The following ZPBP variants were observed in gnomAD, a reference collection of about 807,000 sequenced individuals.
The protein encoded by ZPBP is zona pellucida binding protein, also known as zona pellucida-binding protein 1.
In ZPBP, 26 loss-of-function variants were observed where a neutral mutation model predicts 44.8. That is an observed-to-expected ratio of 0.58 (90% CI 0.43 to 0.81). ZPBP has a LOEUF of 0.81. ZPBP is among the 30% of genes least tolerant of loss of function. ZPBP has a pLI of 0.00. For missense variants in ZPBP, 409 were observed against 434.0 expected (o/e 0.94, Z 0.51); for synonymous variants, 174 against 153.2 (o/e 1.14, Z -1.00).
At chr7:49,979,292 T>C (rs1796671192) in intron 7 of ZPBP, among the ~76,000 whole-genome samples, 1 of 151,984 alleles carries the variant, frequency 6.6e-6, no homozygotes, top group Non-Finnish European at 1.5e-5. Context: ...CTTCTTGTAT[T>C]TTTCCCTTAA....
chr7:49,903,380 A>G (rs931602176), intron 1 of ZPBP, among the ~76,000 whole-genome samples: 1 of 152,240 alleles, frequency 6.6e-6, no homozygotes, highest in South Asian at 2.1e-4. Flanking sequence ...TGGTACAGCC[A>G]TACCATGGAA....
chr7:50,016,535 C>A (rs1049101959), intron 6 of ZPBP, among the ~76,000 whole-genome samples: 2 of 151,788 alleles, frequency 1.3e-5, no homozygotes, highest in Admixed American at 1.3e-4. Flanking sequence ...TGCACATGTA[C>A]CCCCTGAATG....
At chr7:49,983,860 T>C (rs925978910) in intron 6 of ZPBP, among the ~76,000 whole-genome samples, 2 of 152,044 alleles carry the variant, frequency 1.3e-5, no homozygotes, top group African/African-American at 2.4e-5. Flanking sequence ...TAAAATAATA[T>C]ATTATAAGCA....
intron 4 of ZPBP, among the ~76,000 whole-genome samples, chr7:50,041,344 C>A (rs1800085597): frequency 6.6e-6 from 1 of 152,178 alleles, no homozygotes; most frequent in Non-Finnish European, 1.5e-5. Context: ...GGGTCCCTGA[C>A]CCCCATGCCT....
intron 5 of ZPBP, among the ~76,000 whole-genome samples, chr7:50,030,831 C>A (rs1363203863): frequency 6.6e-6 from 1 of 152,140 alleles, no homozygotes; most frequent in East Asian, 1.9e-4. Context: ...AATATCATGA[C>A]ATTCCTTATA....
Position 50,093,202 on chromosome 7 carries a change from C to G in ZPBP, c.-8G>C. On this transcript the variant is annotated 5_prime_UTR_variant, in exon 1 of 8. Coordinates refer to ENST00000046087, the MANE Select transcript of ZPBP (RefSeq NM_007009.3). ...AAGGGCGAAGGCCTCCATCCACACG[C>G]CGCCGTCGCCTGCCCACCGTCCGCG... is the stretch of plus-strand genomic sequence containing the variant. The G allele has an allele frequency of 6.6e-7, 1 of 1,515,648 alleles. No homozygotes were observed. Among genetic ancestry groups the G allele is most frequent in the Non-Finnish European group, 8.8e-7 (1 of 1,134,470 alleles). 93.9% of individuals were successfully genotyped at this position (1,515,648 alleles called of 1,614,324 possible). A position where few individuals can be genotyped will look rare whatever the true frequency, so the allele number is the denominator to read the frequency against.
At chr7:49,897,979 C>A (rs1026025883) in intron 2 of ZPBP, among the ~76,000 whole-genome samples, 1 of 152,138 alleles carries the variant, frequency 6.6e-6, no homozygotes, top group Admixed American at 6.5e-5. Context: ...CTTCTCAGTT[C>A]TCAGGAGAAA....
chr7:49,898,398 A>G (rs1356600701), intron 2 of ZPBP, among the ~76,000 whole-genome samples: 1 of 151,886 alleles, frequency 6.6e-6, no homozygotes, highest in African/African-American at 2.4e-5. Context: ...TACCCATACA[A>G]TTTTCTTTCT....
chr7:50,013,428 TA>T (rs1183792244), intron 6 of ZPBP, among the ~76,000 whole-genome samples: 11 of 152,076 alleles, frequency 7.2e-5, no homozygotes, highest in Admixed American at 3.9e-4. Context: ...TACACAAATA[TA>T]AATATATTGC....
chr7:49,952,342 A>G (rs1795381508), intron 7 of ZPBP, among the ~76,000 whole-genome samples: 1 of 152,002 alleles, frequency 6.6e-6, no homozygotes, highest in Non-Finnish European at 1.5e-5. Context: ...GCATAAAACA[A>G]TAAATGGTTA....
In ZPBP at chr7:49,967,703, C is replaced by T. The variant is rs147204476; in HGVS notation, c.961+15639G>A. Among the ~76,000 whole-genome samples, 1,499 of 152,200 alleles carry T rather than the reference C, an allele frequency of 9.8e-3. 12 individuals carry two copies. The highest frequency in any genetic ancestry group is 0.017 in the Middle Eastern group (5 of 294). On this transcript the variant is annotated intron_variant, in intron 7 of 7. Coordinates refer to ENST00000046087, the MANE Select transcript of ZPBP (RefSeq NM_007009.3). ...CTGGGATTACAGGCATGTGCCACCA[C>T]GCATGGCTAATTTTGTATTTTTAGT...
intron 2 of ZPBP, among the ~76,000 whole-genome samples, chr7:49,900,874 C>G (rs540361561): frequency 1.3e-5 from 2 of 151,942 alleles, no homozygotes; most frequent in South Asian, 4.1e-4. Flanking sequence ...AAACTATTAG[C>G]AAATTGAACC....
chr7:49,915,995 G>A (rs1169239187), intron 1 of ZPBP: 1 of 152,132 alleles, frequency 6.6e-6, no homozygotes, highest in African/African-American at 2.4e-5. Context: ...GATTAAGAGA[G>A]AACAATTTAC....
At position 49,883,684 on chromosome 7, in the gene ZPBP, C is replaced by T. The variant is rs546859999; in HGVS notation, n.509+17434G>A. On this transcript the variant is annotated intron_variant and non_coding_transcript_variant, in intron 2 of 2. Coordinates refer to the ZPBP transcript ENST00000465922. The stretch of plus-strand genomic sequence containing the variant: ...CAGAAAAAGAGGAAATTTCACCTTC[C>T]GATAGCTGCACTTCCTCAAACAGAC... 1.1e-4 allele frequency among the ~76,000 whole-genome samples: 17 copies of T among 152,178 alleles called. No individual in the cohort carries two copies. The South Asian group carries it at 1.2e-3, about 11-fold the overall frequency.
At chr7:50,041,258 G>A (rs559868640) in intron 4 of ZPBP, among the ~76,000 whole-genome samples, 1 of 152,210 alleles carries the variant, frequency 6.6e-6, no homozygotes, top group Non-Finnish European at 1.5e-5. Flanking sequence ...GCTCCTGCCT[G>A]CCAGCTCTAA....
intron 4 of ZPBP, among the ~76,000 whole-genome samples, chr7:50,051,233 A>G (rs540683049): frequency 6.6e-6 from 1 of 152,216 alleles, no homozygotes; most frequent in Non-Finnish European, 1.5e-5. Flanking sequence ...CCACCATAAG[A>G]TACCATCTCA....
intron 2 of ZPBP, among the ~76,000 whole-genome samples, chr7:49,877,481 A>AAAAAATATACATATATATATAT: frequency 0.011 from 135 of 12,722 alleles, 44 homozygotes; most frequent in Non-Finnish European, 0.015. Flanking sequence ...AAAAAAAAAA[A>AAAAAATATACATATATATATAT]ATATATATAT....
chr7:50,016,714 A>G (rs1207182477), intron 6 of ZPBP, among the ~76,000 whole-genome samples: 2 of 152,138 alleles, frequency 1.3e-5, no homozygotes, highest in East Asian at 3.9e-4. Flanking sequence ...ATCCTAGCTC[A>G]GGGTCTGTGA....
intron 7 of ZPBP, among the ~76,000 whole-genome samples, chr7:49,976,956 C>G (rs537338548): frequency 1.3e-5 from 2 of 151,818 alleles, no homozygotes; most frequent in African/African-American, 4.8e-5. Context: ...CAAAAAATTA[C>G]CCGGGCACGG....
Sources: gnomAD v4.1 joint callset for allele counts (sites outside exome capture counted in the v4.1 genomes callset) on GRCh38, gnomAD v4.1.1 for gene constraint, MANE v1.5 for transcripts, NCBI Gene and HGNC (gene_info 2026-07-23, HGNC 2026-07-21) for gene names.